Variants in NREP observed in about 807,000 individuals in gnomAD.
The protein encoded by NREP is neuronal regeneration related protein.
NREP carries 5 observed loss-of-function variants against 8.6 expected under a neutral mutation model. That is an observed-to-expected ratio of 0.58 (90% confidence interval 0.30 to 1.22). The LOEUF (loss-of-function observed/expected upper bound fraction) is 1.22. Ranked by LOEUF, NREP falls within the 50% of genes most tolerant of loss-of-function variation. NREP has a pLI of 0.07. For missense variants in NREP, 86 were observed against 82.5 expected (o/e 1.04, Z -0.17); for synonymous variants, 27 against 28.0 (o/e 0.96, Z 0.11).
intron 2 of NREP, among the ~76,000 whole-genome samples, chr5:111,852,839 C>A (rs1003979937): frequency 6.6e-6 from 1 of 152,166 alleles, no homozygotes; most frequent in Admixed American, 6.5e-5. Context: ...AGGTTCAAAT[C>A]TTGGCTCTGC....
chr5:111,879,841 A>AG (rs1754005669), intron 2 of NREP, among the ~76,000 whole-genome samples: 1 of 152,002 alleles, frequency 6.6e-6, no homozygotes, highest in African/African-American at 2.4e-5. Flanking sequence ...GAGAGAGAGA[A>AG]AAAAAGACAG....
chr5:111,815,605 A>T (rs1437222500), intron 2 of NREP, among the ~76,000 whole-genome samples: 2 of 152,140 alleles, frequency 1.3e-5, no homozygotes, highest in Non-Finnish European at 2.9e-5. Flanking sequence ...TGAAAAATAC[A>T]ATCACCGATA....
chr5:111,943,911 A>AT (rs1199390949), intron 2 of NREP, among the ~76,000 whole-genome samples: 3 of 152,044 alleles, frequency 2.0e-5, no homozygotes, highest in African/African-American at 4.8e-5. Flanking sequence ...GAAAATTGTG[A>AT]TTTTTATGTG....
At chr5:111,930,386 ATTTAG>A (rs2112596786) in intron 2 of NREP, among the ~76,000 whole-genome samples, 1 of 152,292 alleles carries the variant, frequency 6.6e-6, no homozygotes, top group African/African-American at 2.4e-5. Flanking sequence ...AAAGTGGCGA[ATTTAG>A]TTTAATCTCT....
chr5:111,814,038 C>G (rs1384875838), intron 2 of NREP, among the ~76,000 whole-genome samples: 1 of 151,774 alleles, frequency 6.6e-6, no homozygotes, highest in Non-Finnish European at 1.5e-5. Context: ...TAGTTTAGAA[C>G]TGTACTATAC....
chr5:111,767,556 G>A (rs116557903), intron 2 of NREP, among the ~76,000 whole-genome samples: 16 of 152,222 alleles, frequency 1.1e-4, no homozygotes, highest in Middle Eastern at 3.4e-3. Context: ...ATGGTCTCAC[G>A]TCCACGTACT....
At chr5:111,975,266 T>C in intron 2 of NREP, 1 of 1,544,684 alleles carries the variant, frequency 6.5e-7, no homozygotes, top group Non-Finnish European at 8.8e-7. Context: ...GATAGCAGTT[T>C]GTCTTACACA....
intron 2 of NREP, among the ~76,000 whole-genome samples, chr5:111,940,362 T>A (rs918759966): frequency 1.3e-5 from 2 of 152,100 alleles, no homozygotes; most frequent in African/African-American, 2.4e-5. Flanking sequence ...CAAAGTACAG[T>A]TCAGAAGACA....
intron 2 of NREP, among the ~76,000 whole-genome samples, chr5:111,818,394 G>A (rs940464045): frequency 8.5e-5 from 13 of 152,166 alleles, no homozygotes; most frequent in African/African-American, 2.9e-4. Context: ...AGAGATATGG[G>A]TAAAATGAAG....
intron 2 of NREP, among the ~76,000 whole-genome samples, chr5:111,881,699 C>T (rs1754077030): frequency 6.6e-6 from 1 of 152,206 alleles, no homozygotes. Flanking sequence ...GCAGCCACCT[C>T]TGCAGATACC....
intron 2 of NREP, among the ~76,000 whole-genome samples, chr5:111,826,269 T>C (rs961504634): frequency 6.6e-6 from 1 of 152,132 alleles, no homozygotes; most frequent in African/African-American, 2.4e-5. Flanking sequence ...GCTCTCTGTA[T>C]AATGGACCAA....
At chr5:111,939,503 C>A (rs546624814) in intron 2 of NREP, among the ~76,000 whole-genome samples, 77 of 152,106 alleles carry the variant, frequency 5.1e-4, no homozygotes, top group Non-Finnish European at 1.0e-3. Flanking sequence ...TTATTTGTAA[C>A]CCTGAAATCA....
intron 2 of NREP, among the ~76,000 whole-genome samples, chr5:111,801,717 T>C (rs1174471009): frequency 1.3e-5 from 2 of 152,246 alleles, no homozygotes; most frequent in Non-Finnish European, 2.9e-5. Context: ...TATGCTTATA[T>C]GTACATTGAA....
intron 2 of NREP, among the ~76,000 whole-genome samples, chr5:111,799,868 C>T (rs1391356120): frequency 1.3e-5 from 2 of 152,018 alleles, no homozygotes; most frequent in Non-Finnish European, 2.9e-5. Flanking sequence ...AAGAATGTTG[C>T]CTTTTCAGGA....
intron 2 of NREP, among the ~76,000 whole-genome samples, chr5:111,844,649 ATATATATAT>A (rs1004601108): frequency 1.2e-4 from 18 of 145,906 alleles, no homozygotes; most frequent in South Asian, 6.4e-4. Context: ...ATATCAACTA[ATATATATAT>A]TATATATATT....
chr5:111,773,699 A>G (rs923289798), intron 2 of NREP, among the ~76,000 whole-genome samples: 2 of 152,218 alleles, frequency 1.3e-5, no homozygotes, highest in Non-Finnish European at 2.9e-5. Flanking sequence ...GAGATCATCT[A>G]AAGTTTTCCT....
chr5:111,854,775 GCT>G (rs748089104), intron 2 of NREP, among the ~76,000 whole-genome samples: 18 of 152,038 alleles, frequency 1.2e-4, no homozygotes, highest in Non-Finnish European at 2.2e-4. Flanking sequence ...CTGATTACCA[GCT>G]CTGTTACCTT....
intron 2 of NREP, among the ~76,000 whole-genome samples, chr5:111,835,417 A>G (rs1581152917): frequency 6.6e-6 from 1 of 152,108 alleles, no homozygotes; most frequent in African/African-American, 2.4e-5. Context: ...GGCATTATCT[A>G]CCAACAGATA....
At chr5:111,862,736 G>GAGTTTACAATCT (rs1753578156) in intron 2 of NREP, among the ~76,000 whole-genome samples, 1 of 151,736 alleles carries the variant, frequency 6.6e-6, no homozygotes, top group South Asian at 2.1e-4. Flanking sequence ...TTAAAATATC[G>GAGTTTACAATCT]AGTTTACAAT....
Sources: gnomAD v4.1 joint callset for allele counts (sites outside exome capture counted in the v4.1 genomes callset) on GRCh38, gnomAD v4.1.1 for gene constraint, MANE v1.5 for transcripts, NCBI Gene and HGNC (gene_info 2026-07-23, HGNC 2026-07-21) for gene names.